The following CCSER1 variants were observed in gnomAD, a reference collection of about 807,000 sequenced individuals.
The protein encoded by CCSER1 is coiled-coil serine rich protein 1.
Under a neutral mutation model 82.0 loss-of-function variants are expected in CCSER1, and 41 were observed. The ratio of observed to expected loss-of-function variants is 0.50; its 90% CI spans 0.39 to 0.65. The LOEUF is 0.65. Among genes scored for constraint, CCSER1 ranks in the 30% least tolerant of loss-of-function variants. CCSER1 has a pLI of 0.00. For missense variants in CCSER1, 1,119 were observed against 1,064.2 expected (o/e 1.05, Z -0.72); for synonymous variants, 414 against 383.9 (o/e 1.08, Z -0.92).
At chr4:91,187,458 A>G (rs1468715462) in intron 10 of CCSER1, among the ~76,000 whole-genome samples, 1 of 152,238 alleles carries the variant, frequency 6.6e-6, no homozygotes, top group Non-Finnish European at 1.5e-5. Context: ...GTATGAAATA[A>G]CTTAAGATGT....
rs754754971 is a variant in CCSER1 at position 90,470,762 on chromosome 4, C to CAAAAAAAAAAA, written c.1724+2417_1724+2427dup. Among the ~76,000 whole-genome samples, 23 of 71,246 alleles carry CAAAAAAAAAAA rather than the reference C, an allele frequency of 3.2e-4. 2 individuals carry two copies. The highest frequency in any genetic ancestry group is 1.3e-3 in the East Asian group (3 of 2,312). 46.7% of individuals were successfully genotyped at this position (71,246 alleles called of 152,430 possible). A position where few individuals can be genotyped will look rare whatever the true frequency, so the allele number is the denominator to read the frequency against. The stretch of plus-strand genomic sequence containing the variant: ...AATTTCTCATTCCTTTTAATCAAAG[C>CAAAAAAAAAAA]AAAAAAAAAAAAAAAAAAACAAAAC... On this transcript the variant is annotated intron_variant, in intron 5 of 10. Coordinates refer to ENST00000509176, the MANE Select transcript of CCSER1 (RefSeq NM_001145065.2).
chr4:90,542,864 T>C (rs1776277004), intron 5 of CCSER1, among the ~76,000 whole-genome samples: 1 of 152,150 alleles, frequency 6.6e-6, no homozygotes, highest in South Asian at 2.1e-4. Flanking sequence ...CATAGCTCTT[T>C]TTCCCTTTCA....
intron 10 of CCSER1, among the ~76,000 whole-genome samples, chr4:91,449,491 A>G (rs1383366344): frequency 1.3e-5 from 2 of 151,978 alleles, no homozygotes; most frequent in Admixed American, 1.3e-4. Flanking sequence ...CCAGTAAAAT[A>G]AAAATTTAAA....
intron 5 of CCSER1, among the ~76,000 whole-genome samples, chr4:90,529,288 C>T (rs940160125): frequency 1.3e-5 from 2 of 152,008 alleles, no homozygotes; most frequent in African/African-American, 4.8e-5. Flanking sequence ...GATTTTGGCT[C>T]ACTGCAAACT....
chr4:91,450,998 G>C (rs1174277976), intron 10 of CCSER1, among the ~76,000 whole-genome samples: 1 of 152,014 alleles, frequency 6.6e-6, no homozygotes, highest in Non-Finnish European at 1.5e-5. Context: ...ATGAACAACA[G>C]AATTTGTTTC....
intron 5 of CCSER1, among the ~76,000 whole-genome samples, chr4:90,579,700 T>A (rs1406358494): frequency 6.7e-6 from 1 of 148,654 alleles, no homozygotes; most frequent in Non-Finnish European, 1.5e-5. Context: ...AAATGAAAAA[T>A]TACAGTCAAA....
At chr4:90,973,639 C>T (rs1735329188) in intron 9 of CCSER1, among the ~76,000 whole-genome samples, 1 of 151,620 alleles carries the variant, frequency 6.6e-6, no homozygotes, top group South Asian at 2.1e-4. Context: ...ATCAAATAAA[C>T]CAGCAATCTT....
At chr4:90,161,101 G>A (rs1055784913) in intron 1 of CCSER1, among the ~76,000 whole-genome samples, 3 of 152,160 alleles carry the variant, frequency 2.0e-5, no homozygotes, top group Non-Finnish European at 4.4e-5. Context: ...TGTATCCTAA[G>A]TGAGTGTAAG....
intron 6 of CCSER1, among the ~76,000 whole-genome samples, chr4:90,682,751 T>C (rs963334660): frequency 5.3e-5 from 8 of 152,070 alleles, no homozygotes; most frequent in Non-Finnish European, 1.2e-4. Flanking sequence ...ACATATATAA[T>C]AGTTTGTGTA....
chr4:90,188,262 C>A (rs1734976654), intron 1 of CCSER1, among the ~76,000 whole-genome samples: 1 of 151,612 alleles, frequency 6.6e-6, no homozygotes, highest in Non-Finnish European at 1.5e-5. Flanking sequence ...TTAAGTTCAA[C>A]ATTGAGATAG....
intron 8 of CCSER1, among the ~76,000 whole-genome samples, chr4:90,900,903 A>G (rs557028444): frequency 6.6e-6 from 1 of 151,902 alleles, no homozygotes; most frequent in Non-Finnish European, 1.5e-5. Flanking sequence ...GCAGTTCCCC[A>G]CTACTATTGG....
At chr4:90,766,842 A>G (rs1414820171) in intron 7 of CCSER1, among the ~76,000 whole-genome samples, 1 of 152,108 alleles carries the variant, frequency 6.6e-6, no homozygotes, top group Non-Finnish European at 1.5e-5. Context: ...GTAAAGATAT[A>G]AAACATATAT....
In CCSER1 at chr4:91,092,195, A is replaced by G. The variant is rs899753096; in HGVS notation, c.2217+6201A>G. On this transcript the variant is annotated intron_variant, in intron 10 of 10. Coordinates refer to ENST00000509176, the MANE Select transcript of CCSER1 (RefSeq NM_001145065.2). ...CGGAACTGTGAGGTTGGTAGGCGGC[A>G]TGTAGCTTCCAAGTGAGTCCCAATA... is the stretch of plus-strand genomic sequence containing the variant. Among the ~76,000 whole-genome samples, 5 of 152,288 alleles carry G rather than the reference A, an allele frequency of 3.3e-5. No homozygotes were observed. The South Asian group carries it at 6.2e-4, about 19-fold the overall frequency.
chr4:91,465,519 A>C (rs1232180154), intron 10 of CCSER1, among the ~76,000 whole-genome samples: 10 of 152,302 alleles, frequency 6.6e-5, no homozygotes, highest in Non-Finnish European at 1.2e-4. Flanking sequence ...GAACTGAAGG[A>C]GATAGAGACA....
chr4:90,577,338 A>T (rs187654609), intron 5 of CCSER1, among the ~76,000 whole-genome samples: 4 of 152,120 alleles, frequency 2.6e-5, no homozygotes, highest in Non-Finnish European at 5.9e-5. Flanking sequence ...AGAACCTCTT[A>T]TGAGTGAGTG....
At chr4:91,027,871 C>A (rs908309548) in intron 9 of CCSER1, among the ~76,000 whole-genome samples, 1 of 152,010 alleles carries the variant, frequency 6.6e-6, no homozygotes, top group Non-Finnish European at 1.5e-5. Flanking sequence ...GAGGGAGAAA[C>A]AACTATATTG....
chr4:90,694,429 T>C (rs1736595272), intron 6 of CCSER1, among the ~76,000 whole-genome samples: 2 of 151,980 alleles, frequency 1.3e-5, no homozygotes, highest in South Asian at 4.1e-4. Flanking sequence ...TAATGTTGGC[T>C]AGGCAGTTGA....
At chr4:90,945,277 T>A (rs1244008145) in intron 9 of CCSER1, among the ~76,000 whole-genome samples, 1 of 152,118 alleles carries the variant, frequency 6.6e-6, no homozygotes. Flanking sequence ...TAGAGGTATT[T>A]TTTAAAATTA....
chr4:90,359,839 GTA>G (rs1228228735), intron 3 of CCSER1, among the ~76,000 whole-genome samples: 1 of 149,788 alleles, frequency 6.7e-6, no homozygotes, highest in Non-Finnish European at 1.5e-5. Context: ...ATATATATGT[GTA>G]TATATATGTG....
Sources: gnomAD v4.1 joint callset for allele counts (sites outside exome capture counted in the v4.1 genomes callset) on GRCh38, gnomAD v4.1.1 for gene constraint, MANE v1.5 for transcripts, NCBI Gene and HGNC (gene_info 2026-07-23, HGNC 2026-07-21) for gene names.